NHSL1: variants seen among roughly 807,000 people sequenced by gnomAD.
NHSL1 encodes NHS like 1, also known as NHS-like protein 1.
A neutral mutation model predicts 95.0 loss-of-function variants in NHSL1; 48 were observed. The ratio of observed to expected loss-of-function variants is 0.51; its 90% CI spans 0.40 to 0.64. The LOEUF is 0.64. NHSL1 is among the 30% of genes least tolerant of loss of function. NHSL1 has a pLI of 0.00. For missense variants in NHSL1, 1,971 were observed against 2,077.7 expected, an observed-to-expected ratio of 0.95 and a Z score of 1.00; for synonymous variants, 783 against 833.9, an observed-to-expected ratio of 0.94 and a Z score of 1.05.
chr6:138,486,679 T>C (rs562627709), intron 2 of NHSL1, among the ~76,000 whole-genome samples: 3 of 152,180 alleles, frequency 2.0e-5, no homozygotes, highest in Non-Finnish European at 4.4e-5. Context: ...ATCTCTCTCC[T>C]GTGTTTTAGG....
At chr6:138,624,263 CT>C (rs1784705897) in intron 1 of NHSL1, among the ~76,000 whole-genome samples, 1 of 152,104 alleles carries the variant, frequency 6.6e-6, no homozygotes, top group African/African-American at 2.4e-5. Context: ...TTCAGTAGGT[CT>C]AGGGTGGTGC....
intron 1 of NHSL1, among the ~76,000 whole-genome samples, chr6:138,606,803 C>T (rs958490054): frequency 3.3e-5 from 5 of 150,228 alleles, no homozygotes; most frequent in Non-Finnish European, 7.4e-5. Context: ...CCCAGGTTCA[C>T]GCCATTCTCC....
chr6:138,509,565 G>A (rs572897371), intron 1 of NHSL1, among the ~76,000 whole-genome samples: 4 of 152,240 alleles, frequency 2.6e-5, no homozygotes, highest in African/African-American at 7.2e-5. Flanking sequence ...GTAGAAGGTC[G>A]CCACCTACAG....
chr6:138,563,578 G>A (rs1334774274), intron 1 of NHSL1, among the ~76,000 whole-genome samples: 1 of 152,094 alleles, frequency 6.6e-6, no homozygotes, highest in Non-Finnish European at 1.5e-5. Context: ...ACAATAGATC[G>A]AATTTGTAGG....
At chr6:138,662,548 G>A (rs572981558) in intron 1 of NHSL1, among the ~76,000 whole-genome samples, 13 of 152,244 alleles carry the variant, frequency 8.5e-5, no homozygotes, top group South Asian at 4.1e-4. Context: ...CTTACATATC[G>A]TATTATGGCT....
At chr6:138,627,210 C>G (rs1473828763) in intron 1 of NHSL1, among the ~76,000 whole-genome samples, 2 of 152,182 alleles carry the variant, frequency 1.3e-5, no homozygotes, top group African/African-American at 2.4e-5. Context: ...ATTAAATTCT[C>G]AAGCTACCTA....
intron 1 of NHSL1, among the ~76,000 whole-genome samples, chr6:138,614,122 A>T (rs1784548620): frequency 1.3e-5 from 2 of 152,190 alleles, no homozygotes; most frequent in Non-Finnish European, 2.9e-5. Context: ...CTTTCCTTAT[A>T]GATAAGATCA....
At chr6:138,558,426 T>C (rs1783282247) in intron 1 of NHSL1, among the ~76,000 whole-genome samples, 1 of 143,612 alleles carries the variant, frequency 7.0e-6, no homozygotes. Flanking sequence ...CCACCCTTTT[T>C]TTTTTTTTTT....
chr6:138,435,033 C>T (rs1380499717), intron 5 of NHSL1, among the ~76,000 whole-genome samples: 1 of 152,152 alleles, frequency 6.6e-6, no homozygotes, highest in Non-Finnish European at 1.5e-5. Context: ...TACCCTCTTT[C>T]AAGTACTCAC....
intron 2 of NHSL1, among the ~76,000 whole-genome samples, chr6:138,491,144 A>G (rs1303201727): frequency 6.6e-6 from 1 of 152,208 alleles, no homozygotes; most frequent in Non-Finnish European, 1.5e-5. Flanking sequence ...GCCATGGAGC[A>G]TGCTGACCTG....
chr6:138,539,714 G>C (rs576737193), intron 1 of NHSL1, among the ~76,000 whole-genome samples: 1 of 152,282 alleles, frequency 6.6e-6, no homozygotes, highest in South Asian at 2.1e-4. Context: ...CAAGTCATTT[G>C]ATTCAGTTCC....
rs1482173860 is a variant in NHSL1, at chr6:138,424,846, TA to T, written c.4086-31del. 1 of 1,530,240 alleles carries T rather than the reference TA, an allele frequency of 6.5e-7. No individual in the cohort carries two copies. Among genetic ancestry groups the T allele is most frequent in the African/African-American group, 1.4e-5 (1 of 72,440 alleles). 94.8% of individuals were successfully genotyped at this position (1,530,240 alleles called of 1,614,324 possible). On this transcript the variant is annotated intron_variant, in intron 7 of 7. Coordinates refer to ENST00000343505, the MANE Select transcript of NHSL1 (RefSeq NM_001144060.2). This position sits in a 1 kb window ranked among gnomAD's most constrained non-coding sequence, Gnocchi z 5.9. ...GATTTAATAACATTAAGAAAAAGGT[TA>T]ATTCCCACGGGACCACAGGCTGTCA...
At chr6:138,619,305 T>A (rs534786383) in intron 1 of NHSL1, among the ~76,000 whole-genome samples, 2 of 152,204 alleles carry the variant, frequency 1.3e-5, no homozygotes, top group Admixed American at 1.3e-4. Context: ...GCCACTGCAC[T>A]CCAGCCTGGA....
chr6:138,652,063 A>G (rs748870262), intron 1 of NHSL1, among the ~76,000 whole-genome samples: 16 of 152,182 alleles, frequency 1.1e-4, no homozygotes, highest in African/African-American at 3.4e-4. Context: ...CTTTCACTTC[A>G]TCTTCTTTGC....
At chr6:138,596,092 T>C (rs1435403285) in intron 1 of NHSL1, among the ~76,000 whole-genome samples, 1 of 152,076 alleles carries the variant, frequency 6.6e-6, no homozygotes, top group African/African-American at 2.4e-5. Context: ...GGAAAAGGCA[T>C]AGAAAGGTAA....
chr6:138,438,999 A>C (rs1346153905), intron 5 of NHSL1, among the ~76,000 whole-genome samples: 2 of 152,200 alleles, frequency 1.3e-5, no homozygotes, highest in African/African-American at 4.8e-5. Context: ...AAAATGTCCA[A>C]TTCACTGAAA....
chr6:138,574,612 A>G (rs142126822), upstream of NHSL1, among the ~76,000 whole-genome samples: 283 of 150,540 alleles, frequency 1.9e-3, 1 homozygote, highest in African/African-American at 6.8e-3. Context: ...GAATCGTTTG[A>G]GCTTAGGAGT....
Position 138,637,969 on chromosome 6 carries a change from C to T in NHSL1, c.96+54507G>A, listed in dbSNP as rs567776641. ...CATAGTAGCCAAGATTTGGAAGCAA[C>T]CACAAATGAATGGATTTTTAAAATG... is the stretch of plus-strand genomic sequence containing the variant. On this transcript the variant is annotated intron_variant, in intron 1 of 3. Transcript: ENST00000491526. Among the ~76,000 whole-genome samples, 23 of 152,166 alleles carry T rather than the reference C, an allele frequency of 1.5e-4. 1 individual carries two copies. Among genetic ancestry groups the T allele is most frequent in the Admixed American group, 4.6e-4 (7 of 15,274 alleles).
intron 1 of NHSL1, among the ~76,000 whole-genome samples, chr6:138,665,846 C>A (rs570579928): frequency 3.9e-5 from 6 of 152,292 alleles, no homozygotes; most frequent in Non-Finnish European, 1.5e-5. Flanking sequence ...GAATTAACCA[C>A]AAGCTTTACT....
Sources: gnomAD v4.1 joint callset for allele counts (sites outside exome capture counted in the v4.1 genomes callset) on GRCh38, gnomAD v4.1.1 for gene constraint, Gnocchi (gnomAD v3.1) non-coding constraint, MANE v1.5 for transcripts, NCBI Gene and HGNC (gene_info 2026-07-23, HGNC 2026-07-21) for gene names.